WDR1: variants seen among roughly 807,000 people sequenced by gnomAD.
The protein encoded by WDR1 is WD repeat domain 1.
In WDR1, 21 loss-of-function variants were observed where a neutral mutation model predicts 71.9. The ratio of observed to expected loss-of-function variants is 0.29; its 90% CI spans 0.21 to 0.42. WDR1 has a LOEUF of 0.42. Among genes scored for constraint, WDR1 ranks in the 10% least tolerant of loss-of-function variants. WDR1 has a pLI of 1.00. For synonymous variants in WDR1, 424 were observed against 347.4 expected, an observed-to-expected ratio of 1.22 and a Z score of -2.45; for missense variants, 696 against 824.5, an observed-to-expected ratio of 0.84 and a Z score of 1.91.
At chr4:10,113,285 C>A (rs973877324) in intron 2 of WDR1, among the ~76,000 whole-genome samples, 1 of 152,154 alleles carries the variant, frequency 6.6e-6, no homozygotes, top group Non-Finnish European at 1.5e-5. Flanking sequence ...TGCCTGAACC[C>A]GGCAGGTGGA....
intron 3 of WDR1, among the ~76,000 whole-genome samples, chr4:10,100,948 T>C (rs757900330): frequency 3.9e-5 from 6 of 152,242 alleles, no homozygotes; most frequent in Non-Finnish European, 8.8e-5. Context: ...CCAGGGCCCA[T>C]GCTGCCCCAT....
At chr4:10,087,664 CT>C in intron 8 of WDR1, 42 bp downstream of exon 8, 1 of 1,522,650 alleles carries the variant, frequency 6.6e-7, no homozygotes, top group Non-Finnish European at 8.8e-7. Context: ...GGTCTCTTCC[CT>C]GTCCACCCAG....
At chr4:10,102,769 C>T (rs760214819) in intron 3 of WDR1, among the ~76,000 whole-genome samples, 9 of 152,184 alleles carry the variant, frequency 5.9e-5, no homozygotes, top group Non-Finnish European at 1.0e-4. Flanking sequence ...CATAGGGCCA[C>T]GGCGTGCATG....
intron 2 of WDR1, among the ~76,000 whole-genome samples, chr4:10,109,417 G>A (rs928445179): frequency 5.3e-5 from 8 of 152,320 alleles, no homozygotes; most frequent in Admixed American, 1.3e-4. Flanking sequence ...TCTTCCTTAC[G>A]GTTGGTCTCA....
intron 8 of WDR1, 50 bp downstream of exon 8, chr4:10,087,657 C>G: frequency 6.6e-7 from 1 of 1,507,906 alleles, no homozygotes; most frequent in Non-Finnish European, 8.9e-7. Context: ...CCACTCTGGT[C>G]TCTTCCCTGT....
chr4:10,099,481 G>A (rs1268367943), intron 3 of WDR1, among the ~76,000 whole-genome samples: 3 of 152,270 alleles, frequency 2.0e-5, no homozygotes, highest in Non-Finnish European at 4.4e-5. Flanking sequence ...CAATATGCCA[G>A]GAAGTGGTTT....
intron 4 of WDR1, 77 bp downstream of exon 4, chr4:10,098,915 C>G (rs1203055188): frequency 6.3e-7 from 1 of 1,589,800 alleles, no homozygotes; most frequent in African/African-American, 1.3e-5. Flanking sequence ...ATCAGCGCAT[C>G]CCCCTCCCAG....
intron 11 of WDR1, among the ~76,000 whole-genome samples, chr4:10,080,470 G>A (rs1262892832): frequency 6.6e-6 from 1 of 152,204 alleles, no homozygotes; most frequent in East Asian, 1.9e-4. Flanking sequence ...CAGGCTGTTT[G>A]CAATAATTAC....
intron 2 of WDR1, among the ~76,000 whole-genome samples, chr4:10,110,635 C>G (rs1055670467): frequency 2.0e-5 from 3 of 152,196 alleles, no homozygotes; most frequent in Admixed American, 6.5e-5. Flanking sequence ...CAGCTGTCCC[C>G]GCTCTGTGGC....
chr4:10,094,465 C>G (rs1249136150), intron 5 of WDR1, among the ~76,000 whole-genome samples: 1 of 152,212 alleles, frequency 6.6e-6, no homozygotes, highest in East Asian at 1.9e-4. Context: ...TCCCAGGAGC[C>G]TGCCTGGCAT....
chr4:10,116,081 G>A, intron 2 of WDR1, 32 bp downstream of exon 2: 2 of 1,604,244 alleles, frequency 1.2e-6, no homozygotes, highest in Non-Finnish European at 1.7e-6. Flanking sequence ...TGGCTCCGGA[G>A]CAGAACCGCG....
At chr4:10,111,037 C>G (rs181323520) in intron 2 of WDR1, among the ~76,000 whole-genome samples, 2 of 152,358 alleles carry the variant, frequency 1.3e-5, no homozygotes, top group East Asian at 3.9e-4. Flanking sequence ...GCAACGGAAC[C>G]TGCGCTGACG....
rs756821325 is a variant in WDR1 at position 10,087,719 on chromosome 4, C to T, written c.939G>A (p.Leu313=). ...YLDRNNPSKP[L]HVIKGHSKSI... ...GGGCAGGCCTTACCTTGATGACGTG[C>T]AGGGGCTTGCTGGGGTTGTTTCTGT... The change falls in exon 8 of 15, where the codon CTG becomes CTA. Residue 313 remains leucine (L), a synonymous_variant. Coordinates refer to ENST00000499869, the MANE Select transcript of WDR1 (RefSeq NM_017491.5). 5.6e-6 allele frequency: 9 copies of T among 1,594,068 alleles called. No individual in the cohort carries two copies. Among genetic ancestry groups the T allele is most frequent in the East Asian group, 2.3e-5 (1 of 44,112 alleles).
intron 7 of WDR1, 76 bp from the exon 8 acceptor site, chr4:10,088,016 A>T (rs1711698623): frequency 7.3e-7 from 1 of 1,371,700 alleles, no homozygotes; most frequent in South Asian, 1.4e-5. Context: ...CAGCTTGTCC[A>T]CTGCGACTGT....
chr4:10,086,018 T>C (rs1451335497), intron 8 of WDR1, among the ~76,000 whole-genome samples: 2 of 152,130 alleles, frequency 1.3e-5, no homozygotes, highest in East Asian at 1.9e-4. Flanking sequence ...GCAGTGGTAT[T>C]AGGAAGAGCA....
chr4:10,092,744 A>C (rs185363329), intron 5 of WDR1: 2 of 270,250 alleles, frequency 7.4e-6, no homozygotes, highest in African/African-American at 4.4e-5. Flanking sequence ...AGCCCTTTCC[A>C]CACGGAGGCC....
At chr4:10,090,979 A>C (rs1009585388) in intron 5 of WDR1, among the ~76,000 whole-genome samples, 74 of 152,244 alleles carry the variant, frequency 4.9e-4, no homozygotes, top group Non-Finnish European at 2.4e-4. Context: ...AGGCTGGCTC[A>C]GTCTGAACTT....
chr4:10,106,693 G>A (rs1360932701), intron 2 of WDR1: 1 of 152,202 alleles, frequency 6.6e-6, no homozygotes, highest in Non-Finnish European at 1.5e-5. Context: ...AACCCCAAAG[G>A]GCAACAGAAT....
At chr4:10,111,429 T>C (rs532250931) in intron 2 of WDR1, among the ~76,000 whole-genome samples, 1 of 152,238 alleles carries the variant, frequency 6.6e-6, no homozygotes, top group African/African-American at 2.4e-5. Context: ...TGCCATCAGG[T>C]GGTCAGACTG....
Sources: allele counts gnomAD v4.1 joint callset (sites outside exome capture counted in the v4.1 genomes callset), GRCh38; gene constraint gnomAD v4.1.1; transcripts MANE v1.5; gene names NCBI Gene and HGNC (gene_info 2026-07-23, HGNC 2026-07-21).